The following ADGRL3 variants were observed in gnomAD, a reference collection of about 807,000 sequenced individuals.
ADGRL3 encodes the protein adhesion G protein-coupled receptor L3, also known as calcium-independent alpha-latrotoxin receptor 3.
ADGRL3 carries 62 observed loss-of-function variants against 153.5 expected under a neutral mutation model. The ratio of observed to expected loss-of-function variants is 0.40; its 90% CI spans 0.33 to 0.50. ADGRL3 has a LOEUF of 0.50. Among genes scored for constraint, ADGRL3 ranks in the 20% least tolerant of loss-of-function variants. ADGRL3 has a pLI of 0.47. For synonymous variants in ADGRL3, 710 were observed against 672.5 expected, an observed-to-expected ratio of 1.06 and a Z score of -0.86; for missense variants, 1,641 against 1,859.4, an observed-to-expected ratio of 0.88 and a Z score of 2.16.
intron 17 of ADGRL3, among the ~76,000 whole-genome samples, chr4:61,956,835 T>G (rs2098968941): frequency 6.6e-6 from 1 of 152,194 alleles, no homozygotes; most frequent in Non-Finnish European, 1.5e-5. Context: ...TTGTCAAAGG[T>G]CTGAAGGTTG....
At chr4:62,047,110 C>T (rs1226539373) in intron 25 of ADGRL3, among the ~76,000 whole-genome samples, 1 of 151,940 alleles carries the variant, frequency 6.6e-6, no homozygotes, top group East Asian at 1.9e-4. Flanking sequence ...TTTACATCTT[C>T]ATATATTCTA....
At chr4:62,016,693 A>G (rs1372097956) in intron 21 of ADGRL3, among the ~76,000 whole-genome samples, 3 of 152,152 alleles carry the variant, frequency 2.0e-5, no homozygotes, top group African/African-American at 7.2e-5. Flanking sequence ...TTCTTCACAT[A>G]AATTTCAGAA....
At chr4:61,344,100 A>C (rs1428871445) in intron 1 of ADGRL3, among the ~76,000 whole-genome samples, 2 of 152,216 alleles carry the variant, frequency 1.3e-5, no homozygotes, top group African/African-American at 4.8e-5. Context: ...TGAGATCAGC[A>C]GTATTTTATC....
intron 8 of ADGRL3, among the ~76,000 whole-genome samples, chr4:61,748,341 A>G (rs1057512061): frequency 3.9e-5 from 6 of 152,180 alleles, no homozygotes; most frequent in Non-Finnish European, 7.3e-5. Context: ...CTTTCTCCAC[A>G]GAACTGGAAA....
chr4:61,461,825 A>G (rs1169121029), intron 2 of ADGRL3, among the ~76,000 whole-genome samples: 2 of 152,186 alleles, frequency 1.3e-5, no homozygotes, highest in African/African-American at 4.8e-5. Context: ...TTACTCCAAG[A>G]TTACAGCCAG....
intron 5 of ADGRL3, among the ~76,000 whole-genome samples, chr4:61,668,757 G>A (rs747542731): frequency 3.9e-5 from 6 of 152,206 alleles, no homozygotes; most frequent in East Asian, 1.9e-4. Context: ...AGTGGCTCAC[G>A]CTTGTAATTC....
At chr4:61,831,388 TGAA>T (rs1189777131) in intron 9 of ADGRL3, among the ~76,000 whole-genome samples, 1 of 64,686 alleles carries the variant, frequency 1.5e-5, no homozygotes, top group South Asian at 4.1e-4. Context: ...GTCATGAAGA[TGAA>T]GAAAGGAAAA....
chr4:61,610,323 C>T (rs1419162012), intron 5 of ADGRL3, among the ~76,000 whole-genome samples: 2 of 152,002 alleles, frequency 1.3e-5, no homozygotes, highest in South Asian at 2.1e-4. Flanking sequence ...TGCATTGTTT[C>T]TTCATCTCTG....
At chr4:61,721,820 T>C (rs1272399305) in intron 6 of ADGRL3, among the ~76,000 whole-genome samples, 1 of 152,150 alleles carries the variant, frequency 6.6e-6, no homozygotes, top group African/African-American at 2.4e-5. Context: ...AAATAAAAGG[T>C]AAATCAGAAG....
Position 61,884,624 on chromosome 4 carries a change from T to C in ADGRL3, c.1481-8032T>C, listed in dbSNP as rs2098526733. ...GCAGGCTGCTTTCTTTTATTATTTA[T>C]TTATTTATTTACTTTTTTGAGATGG... On this transcript the variant is annotated intron_variant, in intron 9 of 26. Transcript: ENST00000683033. 2.0e-5 allele frequency among the ~76,000 whole-genome samples: 3 copies of C among 151,988 alleles called. No individual in the cohort carries two copies. The South Asian group carries it at 6.2e-4, about 32-fold the overall frequency.
chr4:61,861,004 A>G (rs1581187624), intron 9 of ADGRL3, among the ~76,000 whole-genome samples: 1 of 152,322 alleles, frequency 6.6e-6, no homozygotes, highest in South Asian at 2.1e-4. Flanking sequence ...TTTGTGTCAA[A>G]CTGAAGATTT....
intron 1 of ADGRL3, among the ~76,000 whole-genome samples, chr4:61,243,448 G>A (rs1261568433): frequency 1.3e-5 from 2 of 151,938 alleles, no homozygotes; most frequent in South Asian, 4.1e-4. Context: ...CCCAATCTCT[G>A]CTTCTCCCTT....
chr4:61,468,166 G>A (rs1354631715), intron 2 of ADGRL3, among the ~76,000 whole-genome samples: 2 of 152,138 alleles, frequency 1.3e-5, no homozygotes, highest in African/African-American at 2.4e-5. Context: ...GTTGGAATAC[G>A]GTTGCCACTG....
At chr4:61,608,529 AT>A (rs541798436) in intron 5 of ADGRL3, among the ~76,000 whole-genome samples, 1 of 152,140 alleles carries the variant, frequency 6.6e-6, no homozygotes, top group African/African-American at 2.4e-5. Context: ...TTCAGTCCAC[AT>A]TTTTTTAATG....
At chr4:61,220,372 A>G (rs904993216) in intron 1 of ADGRL3, among the ~76,000 whole-genome samples, 1 of 152,168 alleles carries the variant, frequency 6.6e-6, no homozygotes, top group South Asian at 2.1e-4. Context: ...TAGAATCAGA[A>G]GACTCTGAGC....
At chr4:61,728,078 C>G (rs1320192606) in intron 6 of ADGRL3, among the ~76,000 whole-genome samples, 1 of 152,046 alleles carries the variant, frequency 6.6e-6, no homozygotes, top group African/African-American at 2.4e-5. Context: ...TTTTCAATGA[C>G]AAATTATGTT....
chr4:62,009,435 G>T (rs537789055), intron 21 of ADGRL3, among the ~76,000 whole-genome samples: 2 of 151,704 alleles, frequency 1.3e-5, no homozygotes, highest in Non-Finnish European at 2.9e-5. Flanking sequence ...TTTATGAAGC[G>T]TACTTTATAA....
chr4:61,470,725 T>C (rs1248715006), intron 2 of ADGRL3, among the ~76,000 whole-genome samples: 1 of 151,878 alleles, frequency 6.6e-6, no homozygotes, highest in Non-Finnish European at 1.5e-5. Flanking sequence ...AAGACATTCA[T>C]GTAATATGGT....
chr4:61,461,617 A>G (rs1292788183), intron 2 of ADGRL3, among the ~76,000 whole-genome samples: 1 of 152,220 alleles, frequency 6.6e-6, no homozygotes, highest in African/African-American at 2.4e-5. Flanking sequence ...GTATTTACTA[A>G]CAAAATGTAT....
Sources: gnomAD v4.1 joint callset for allele counts (sites outside exome capture counted in the v4.1 genomes callset) on GRCh38, gnomAD v4.1.1 for gene constraint, MANE v1.5 for transcripts, NCBI Gene and HGNC (gene_info 2026-07-23, HGNC 2026-07-21) for gene names.